The following LIN54 variants were observed in gnomAD, a reference collection of about 807,000 sequenced individuals.
LIN54 encodes protein lin-54 homolog.
Under a neutral mutation model 78.7 loss-of-function variants are expected in LIN54, and 9 were observed. The observed-to-expected ratio is 0.11, with a 90% confidence interval of 0.07 to 0.20. The LOEUF is 0.20. Among genes scored for constraint, LIN54 ranks in the 10% least tolerant of loss-of-function variants. The pLI is 1.00. For synonymous variants in LIN54, 269 were observed against 318.4 expected (o/e 0.84, Z 1.65); for missense variants, 573 against 889.9 (o/e 0.64, Z 4.53).
intron 1 of LIN54, among the ~76,000 whole-genome samples, chr4:82,995,199 C>G (rs751793051): frequency 5.2e-4 from 79 of 151,878 alleles, no homozygotes; most frequent in Non-Finnish European, 1.0e-3. Context: ...ACTCGGGAGG[C>G]TGAGACAGGA....
At chr4:83,002,656 C>T (rs1219468824) in intron 1 of LIN54, among the ~76,000 whole-genome samples, 2 of 152,080 alleles carry the variant, frequency 1.3e-5, no homozygotes, top group South Asian at 2.1e-4. Context: ...AACATGAAGA[C>T]AAGGATGAGG....
At chr4:82,979,963 A>AAAAAAAAAAAAAAAAAC (rs1726495818) in intron 2 of LIN54, among the ~76,000 whole-genome samples, 1 of 138,746 alleles carries the variant, frequency 7.2e-6, no homozygotes, top group South Asian at 2.4e-4. Flanking sequence ...AAAAAAAAAA[A>AAAAAAAAAAAAAAAAAC]AAATACTGGG....
At chr4:82,972,156 A>G (rs933137667) in intron 3 of LIN54, among the ~76,000 whole-genome samples, 13 of 152,102 alleles carry the variant, frequency 8.5e-5, no homozygotes, top group African/African-American at 2.7e-4. Context: ...CTGGGCTCAA[A>G]TGATCCTCCC....
chr4:82,984,402 G>T lies in LIN54; in HGVS notation c.443C>A (p.Ser148Tyr). The T allele has an allele frequency of 6.2e-7, 1 of 1,614,210 alleles. No homozygotes were observed. Among genetic ancestry groups the T allele is most frequent in the South Asian group, 1.1e-5 (1 of 91,088 alleles). ...TAGTGCTAAAACAATTGGTGAACCA[G>T]ACTTGCCCAAAGTTGTTAAAATTAA... ...QKLILTTLGK[S>Y]GSPIVLALPH... is the part of the protein sequence containing the mutation. Residue 148 changes from serine to tyrosine, a missense_variant, in exon 2 of 13, where the codon TCT becomes TAT. By Grantham distance (144) the Ser-to-Tyr change is moderately radical. Coordinates refer to ENST00000340417, the MANE Select transcript of LIN54 (RefSeq NM_194282.4).
At chr4:82,928,435 C>A in intron 12 of LIN54, 132 bp from the exon 13 acceptor site, 1 of 726,236 alleles carries the variant, frequency 1.4e-6, no homozygotes, top group Non-Finnish European at 2.4e-6. Context: ...ACAATTTACA[C>A]AGTGAGCACA....
chr4:82,956,559 G>A (rs1196460679), intron 4 of LIN54, among the ~76,000 whole-genome samples: 1 of 152,010 alleles, frequency 6.6e-6, no homozygotes, highest in African/African-American at 2.4e-5. Context: ...AGGCTGCAGT[G>A]AGCTGTGATC....
chr4:82,948,095 T>C (rs1251138117), intron 4 of LIN54, among the ~76,000 whole-genome samples: 3 of 152,098 alleles, frequency 2.0e-5, no homozygotes, highest in Non-Finnish European at 4.4e-5. Context: ...AGAAAAATGA[T>C]TAAATGTATA....
intron 5 of LIN54, among the ~76,000 whole-genome samples, chr4:82,942,329 G>A (rs936315307): frequency 3.9e-5 from 6 of 152,108 alleles, no homozygotes; most frequent in Admixed American, 1.3e-4. Context: ...AGTGGTGATG[G>A]TTGCATAATT....
chr4:82,977,227 C>A (rs76172338), intron 3 of LIN54, among the ~76,000 whole-genome samples: 173 of 152,254 alleles, frequency 1.1e-3, no homozygotes, highest in Non-Finnish European at 1.8e-3. Context: ...CATTAAAACA[C>A]TCCTGGTTAA....
intron 1 of LIN54, among the ~76,000 whole-genome samples, chr4:82,999,621 T>C (rs749932851): frequency 2.0e-5 from 3 of 151,164 alleles, no homozygotes; most frequent in African/African-American, 4.9e-5. Context: ...TACCAAAAAA[T>C]ACAAAAATTA....
intron 5 of LIN54, chr4:82,944,640 GAAAT>G (rs1244488315): frequency 6.6e-6 from 1 of 152,046 alleles, no homozygotes; most frequent in Admixed American, 6.6e-5. Flanking sequence ...ATTTGAAAGA[GAAAT>G]AAATAGGTTT....
intron 1 of LIN54, among the ~76,000 whole-genome samples, chr4:82,985,488 AT>A (rs943054556): frequency 4.6e-5 from 7 of 152,170 alleles, no homozygotes; most frequent in Non-Finnish European, 1.0e-4. Flanking sequence ...TACCAGGGAA[AT>A]TTTTATTTGG....
At chr4:82,935,075 A>G in intron 11 of LIN54, among the ~76,000 whole-genome samples, 1 of 152,068 alleles carries the variant, frequency 6.6e-6, no homozygotes, top group Non-Finnish European at 1.5e-5. Flanking sequence ...GCCTACCGTG[A>G]CCAGTAACCT....
intron 4 of LIN54, among the ~76,000 whole-genome samples, chr4:82,964,702 T>C (rs990757833): frequency 3.5e-5 from 5 of 143,774 alleles, no homozygotes; most frequent in Admixed American, 6.9e-5. Flanking sequence ...ATTAAAAAGC[T>C]TTATTGCTCA....
chr4:82,991,780 T>C (rs1359316750), intron 1 of LIN54, among the ~76,000 whole-genome samples: 3 of 152,206 alleles, frequency 2.0e-5, no homozygotes, highest in Non-Finnish European at 4.4e-5. Flanking sequence ...AATCTGTGAA[T>C]TATATTAATT....
At chr4:82,966,789 T>C (rs1725238046) in intron 4 of LIN54, among the ~76,000 whole-genome samples, 1 of 151,986 alleles carries the variant, frequency 6.6e-6, no homozygotes, top group African/African-American at 2.4e-5. Context: ...TTTGTATTTT[T>C]AGTAGAGACA....
At chr4:82,931,776 T>C (rs1330881840) in intron 11 of LIN54, among the ~76,000 whole-genome samples, 1 of 152,212 alleles carries the variant, frequency 6.6e-6, no homozygotes, top group Non-Finnish European at 1.5e-5. Context: ...TATAGAACTT[T>C]CATTTTTTAG....
At position 82,930,972 on chromosome 4, in the gene LIN54, T is replaced by C; in HGVS notation, c.2019A>G (p.Pro673=). Residue 673 remains proline, a synonymous_variant, in exon 12 of 13, where the codon CCA becomes CCG. Transcript: ENST00000340417. ...SSQISDLLTR[P]TPALNSGGGK... ...CGCCTCCACTATTTAAAGCTGGTGT[T>C]GGCCTAGTAAGCAAGTCTGAAATTT... 6.2e-7 allele frequency: 1 copy of C among 1,614,204 alleles called. No homozygotes were observed. Among genetic ancestry groups the C allele is most frequent in the Non-Finnish European group, 8.5e-7 (1 of 1,180,016 alleles).
At chr4:82,942,860 G>GCGCA (rs1219209143) in intron 5 of LIN54, among the ~76,000 whole-genome samples, 1 of 38,512 alleles carries the variant, frequency 2.6e-5, no homozygotes, top group African/African-American at 1.7e-4. Flanking sequence ...GTGTGCGCGC[G>GCGCA]CACACACACA....
Sources: gnomAD v4.1 joint callset for allele counts (sites outside exome capture counted in the v4.1 genomes callset) on GRCh38, gnomAD v4.1.1 for gene constraint, MANE v1.5 for transcripts, NCBI Gene and HGNC (gene_info 2026-07-23, HGNC 2026-07-21) for gene names.